Variants in AVIL observed in about 807,000 individuals in gnomAD.
The protein encoded by AVIL is advillin.
Under a neutral mutation model 109.9 loss-of-function variants are expected in AVIL, and 78 were observed. That is an observed-to-expected ratio of 0.71 (90% CI 0.59 to 0.86). The LOEUF is 0.86. Among genes scored for constraint, AVIL ranks in the 40% least tolerant of loss-of-function variants. The probability of loss-of-function intolerance (pLI) is 0.00; values close to 1 mark genes in which losing one functional copy is unlikely to be tolerated. For missense variants in AVIL, 892 were observed against 1,016.5 expected, an observed-to-expected ratio of 0.88 and a Z score of 1.67; for synonymous variants, 367 against 379.1, an observed-to-expected ratio of 0.97 and a Z score of 0.37.
chr12:57,813,626 G>A (rs1183057722), intron 3 of AVIL, among the ~76,000 whole-genome samples: 2 of 152,150 alleles, frequency 1.3e-5, no homozygotes, highest in African/African-American at 4.8e-5. Context: ...ATTCCTCCCC[G>A]CATTTGGGGA....
chr12:57,799,880 C>G lies in AVIL; in HGVS notation c.2261G>C (p.Ser754Thr). Reference sequence around the variant, plus strand: ...TGCTATAGGGTAATATTTTGGCTCACTGTCATTAGAATTCAGGGAGAGGGT... The same window carrying G: ...TGCTATAGGGTAATATTTTGGCTCAGTGTCATTAGAATTCAGGGAGAGGGT... ...NATLSLNSND[S>T]EPKYYPIAVL... is the part of the protein sequence containing the mutation. The change falls in exon 19 of 20, where the codon AGT becomes ACT. Residue 754 changes from serine to threonine, a missense_variant. Ser to Thr is a moderately conservative substitution (Grantham distance 58). Coordinates refer to ENST00000549994, the MANE Select transcript of AVIL (RefSeq NM_006576.4). 1 of 1,614,176 alleles carries G rather than the reference C, an allele frequency of 6.2e-7. No homozygotes were observed. Among genetic ancestry groups the G allele is most frequent in the African/African-American group, 1.3e-5 (1 of 75,050 alleles).
chr12:57,802,402 A>G lies in AVIL; in HGVS notation c.1963-54T>C, dbSNP rs935919227. 3.3e-6 allele frequency: 5 copies of G among 1,529,412 alleles called. No individual in the cohort carries two copies. In the African/African-American group the frequency reaches 4.1e-5, roughly 13 times the overall value. 94.7% of individuals were successfully genotyped at this position (1,529,412 alleles called of 1,614,324 possible). ...ACTGTGTTCATACCAAGGACTAAGT[A>G]CTAGATCATACACATTACCCTATCT... On this transcript the variant is annotated intron_variant, in intron 16 of 19. Coordinates refer to ENST00000549994, the MANE Select transcript of AVIL (RefSeq NM_006576.4).
In AVIL at chr12:57,803,615, C is replaced by G. The variant is rs769954950; in HGVS notation, c.1726G>C (p.Asp576His). 1.3e-5 allele frequency: 21 copies of G among 1,614,074 alleles called. No individual in the cohort carries two copies. The East Asian group carries it at 4.2e-4, about 33-fold the overall frequency. ...MAKELASLLCDGSENTVAEGQ... is the reference protein window; with the variant it reads ...MAKELASLLCHGSENTVAEGQ... ...TCGGCCACAGTGTTCTCGCTGCCAT[C>G]ACAGAGAAGGCTGGCCAGCTCCTTA... The change falls in exon 15 of 20, where the codon GAT becomes CAT. Residue 576 changes from aspartate (D) to histidine (H), a missense_variant. Coordinates refer to ENST00000549994, the MANE Select transcript of AVIL (RefSeq NM_006576.4).
rs759429499 is a variant in AVIL at position 57,797,938 on chromosome 12, CA to C, written c.2403del (p.Phe801LeufsTer12). 31 of 1,612,978 alleles carry C rather than the reference CA, an allele frequency of 1.9e-5. No homozygotes were observed. The African/African-American group carries it at 3.7e-4, about 19-fold the overall frequency. On this transcript the variant is annotated frameshift_variant, in exon 20 of 20. Transcript: ENST00000549994. LOFTEE classifies it high-confidence loss of function. Reference sequence around the variant, plus strand: ...AGCTGTTTCCAGCCAGGCAGAGCTGCAAATTGCCCTCTTGTGATGCCAAACA... The same window carrying C: ...AGCTGTTTCCAGCCAGGCAGAGCTGCAATTGCCCTCTTGTGATGCCAAACA... ...VSVFGITRGQFAALPGWKQLQ... is the reference protein window; with the variant it reads ...VSVFGITRGQXAALPGWKQLQ...
intron 1 of AVIL, among the ~76,000 whole-genome samples, chr12:57,816,700 C>CTTTTTTTTTTTTTTT (rs11349032): frequency 1.1e-5 from 1 of 93,490 alleles, no homozygotes; most frequent in Non-Finnish European, 2.1e-5. Context: ...GGCTTTTGTC[C>CTTTTTTTTTTTTTTT]TTTTTTTTTT....
chr12:57,802,949 G>A (rs1223782756), intron 16 of AVIL, among the ~76,000 whole-genome samples: 1 of 152,160 alleles, frequency 6.6e-6, no homozygotes, highest in Non-Finnish European at 1.5e-5. Context: ...CTCTGCATGT[G>A]GAGTCCGTTG....
In AVIL at chr12:57,818,182, CTTTTTTTTTTTTTTT is replaced by C. The variant is rs66731427; in HGVS notation, c.-20+432_-20+446del. ...CACAGGTGTGCACCACCATGCTTGG[CTTTTTTTTTTTTTTT>C]TTTTTTTTTTTTTTTTGTAGAGACA... is the stretch of plus-strand genomic sequence containing the variant. On this transcript the variant is annotated intron_variant, in intron 1 of 19. Transcript: ENST00000549994. Among the ~76,000 whole-genome samples the C allele has an allele frequency of 1.5e-3, 53 of 35,276 alleles. 1 individual carries two copies. Among genetic ancestry groups the C allele is most frequent in the East Asian group, 8.9e-3 (5 of 560 alleles). 23.1% of individuals were successfully genotyped at this position (35,276 alleles called of 152,430 possible). A position where few individuals can be genotyped will look rare whatever the true frequency, so the allele number is the denominator to read the frequency against.
chr12:57,807,089 C>G (rs968512542), intron 13 of AVIL, among the ~76,000 whole-genome samples: 5 of 152,122 alleles, frequency 3.3e-5, no homozygotes, highest in Non-Finnish European at 7.3e-5. Context: ...GGTGCACCTG[C>G]ATAGGTAATA....
At chr12:57,807,881 A>G (rs1389281372) in intron 11 of AVIL, 154 bp from the exon 12 acceptor site, 5 of 1,081,822 alleles carry the variant, frequency 4.6e-6, no homozygotes. Flanking sequence ...GACTCATCAC[A>G]TTTGCATGAT....
chr12:57,806,629 G>T (rs1173336749), intron 13 of AVIL, 90 bp from the exon 14 acceptor site: 1 of 1,453,490 alleles, frequency 6.9e-7, no homozygotes, highest in Non-Finnish European at 9.5e-7. Context: ...GAATGTTATA[G>T]TATTATGTTT....
In AVIL at chr12:57,802,160, A is replaced by G. The variant is rs776231516; in HGVS notation, c.2151T>C (p.Ser717=). Residue 717 remains serine (S), a splice_region_variant and synonymous_variant, in exon 17 of 20, where the codon AGT becomes AGC. Coordinates refer to ENST00000549994, the MANE Select transcript of AVIL (RefSeq NM_006576.4). ...GAGCTTCCCTACTCTCTTTTCTTACACTCCAAATGTTAGGGTCCCAGGCTA... is the reference window on the plus strand; with the variant it reads ...GAGCTTCCCTACTCTCTTTTCTTACGCTCCAAATGTTAGGGTCCCAGGCTA... The part of the protein sequence containing the change: ...WFLAWDPNIW[S]AGKTYEQLKE... The G allele has an allele frequency of 5.0e-6, 8 of 1,613,624 alleles. No homozygotes were observed. Among genetic ancestry groups the G allele is most frequent in the Admixed American group, 1.7e-5 (1 of 60,000 alleles).
At chr12:57,813,526 G>A in intron 3 of AVIL, 103 bp from the exon 4 acceptor site, 1 of 1,145,554 alleles carries the variant, frequency 8.7e-7, no homozygotes, top group Non-Finnish European at 1.2e-6. Context: ...GCCCTTGGCA[G>A]ACTGAGGGCC....
chr12:57,815,550 GCTC>G, intron 2 of AVIL: 2 of 1,218,222 alleles, frequency 1.6e-6, no homozygotes, highest in Non-Finnish European at 2.1e-6. Context: ...GGGCTGAACA[GCTC>G]CTCATCTCTG....
chr12:57,814,782 A>C (rs1956080111), intron 2 of AVIL: 1 of 154,346 alleles, frequency 6.5e-6, no homozygotes, highest in Non-Finnish European at 1.4e-5. Context: ...TTATCACTGC[A>C]TGTATGGCTT....
At chr12:57,817,332 A>G (rs1323252906) in intron 1 of AVIL, among the ~76,000 whole-genome samples, 1 of 150,512 alleles carries the variant, frequency 6.6e-6, no homozygotes, top group South Asian at 2.1e-4. Context: ...TTGAACCTTG[A>G]TGGACAAAGC....
rs1325026238 is a variant in AVIL at position 57,797,796 on chromosome 12, G to T, written c.*86C>A. 2.8e-6 allele frequency: 3 copies of T among 1,074,800 alleles called. No individual in the cohort carries two copies. Among genetic ancestry groups the T allele is most frequent in the Non-Finnish European group, 3.8e-6 (3 of 780,118 alleles). The allele number at this position is 1,074,800 out of a possible 1,614,324, so 66.6% of individuals were successfully genotyped here. On this transcript the variant is annotated 3_prime_UTR_variant, in exon 20 of 20. Coordinates refer to ENST00000549994, the MANE Select transcript of AVIL (RefSeq NM_006576.4). Reference sequence around the variant, plus strand: ...TCTAAATTAAGTAGCTGAATGTCAGGCAGAAATTGGTGGATAAATTATTTC... The same window carrying T: ...TCTAAATTAAGTAGCTGAATGTCAGTCAGAAATTGGTGGATAAATTATTTC...
chr12:57,802,606 A>G (rs998573144), intron 16 of AVIL: 11 of 704,136 alleles, frequency 1.6e-5, no homozygotes, highest in Non-Finnish European at 2.6e-5. Context: ...CCTGAATCCA[A>G]CTTCTTGCAG....
intron 16 of AVIL, chr12:57,802,720 A>G (rs1955875792): frequency 1.5e-5 from 9 of 607,020 alleles, no homozygotes; most frequent in Non-Finnish European, 2.3e-5. Context: ...GATAGGTGGT[A>G]TCTATCTAGT....
At position 57,813,235 on chromosome 12, in the gene AVIL, C is replaced by T; in HGVS notation, c.330G>A (p.Gln110=). 6.2e-7 allele frequency: 1 copy of T among 1,612,212 alleles called. No homozygotes were observed. Among genetic ancestry groups the T allele is most frequent in the African/African-American group, 1.3e-5 (1 of 74,952 alleles). The change falls in exon 4 of 20, where the codon CAG becomes CAA. Residue 110 remains glutamine (Q), a synonymous_variant. Coordinates refer to ENST00000549994, the MANE Select transcript of AVIL (RefSeq NM_006576.4). ...TGTGCACCCCTACTCACATGATGCCCTGCTTGAAGTAGCCACGGAAAGTGT... is the reference window on the plus strand; with the variant it reads ...TGTGCACCCCTACTCACATGATGCCTTGCTTGAAGTAGCCACGGAAAGTGT... ...ESDTFRGYFK[Q]GIIYKQGGVA...
Sources: allele counts gnomAD v4.1 joint callset (sites outside exome capture counted in the v4.1 genomes callset), GRCh38; gene constraint gnomAD v4.1.1; transcripts MANE v1.5; gene names NCBI Gene and HGNC (gene_info 2026-07-23, HGNC 2026-07-21).